The following KIAA2012 variants were observed in gnomAD, a reference collection of about 807,000 sequenced individuals.
KIAA2012 encodes the protein uncharacterized protein KIAA2012.
A neutral mutation model predicts 150.6 loss-of-function variants in KIAA2012; 125 were observed. The observed-to-expected ratio is 0.83, with a 90% CI of 0.72 to 0.96. The LOEUF is 0.96. Ranked by LOEUF, KIAA2012 falls within the 40% of genes least tolerant of loss-of-function variation. KIAA2012 has a pLI of 0.00. For synonymous variants in KIAA2012, 462 were observed against 504.7 expected (o/e 0.92, Z 1.13); for missense variants, 1,219 against 1,354.9 (o/e 0.90, Z 1.57).
intron 1 of KIAA2012, 110 bp from the exon 2 acceptor site, chr2:202,074,781 T>C: frequency 8.9e-7 from 1 of 1,126,958 alleles, no homozygotes. Flanking sequence ...ATGTGAACAG[T>C]TCAGAGAAAA....
At chr2:202,077,275 G>C (rs145940380) in intron 2 of KIAA2012, among the ~76,000 whole-genome samples, 24 of 152,240 alleles carry the variant, frequency 1.6e-4, no homozygotes, top group African/African-American at 5.5e-4. Flanking sequence ...CTATTTTCCT[G>C]GTTGGACACT....
At chr2:202,184,609 T>A (rs1224756862) in intron 15 of KIAA2012, 144 bp from the exon 16 acceptor site, 3 of 478,472 alleles carry the variant, frequency 6.3e-6, no homozygotes, top group Non-Finnish European at 7.4e-6. Flanking sequence ...TCTGAAGTAT[T>A]TGCTAATTTT....
chr2:202,144,524 A>G (rs941701214), intron 13 of KIAA2012, among the ~76,000 whole-genome samples: 1 of 152,232 alleles, frequency 6.6e-6, no homozygotes, highest in East Asian at 1.9e-4. Context: ...ACACGAAAAA[A>G]AAACAAAAGA....
At chr2:202,154,566 A>G in intron 13 of KIAA2012, 107 bp from the exon 14 acceptor site, 1 of 1,022,260 alleles carries the variant, frequency 9.8e-7, no homozygotes, top group Non-Finnish European at 1.4e-6. Context: ...TTATTGTTTC[A>G]ATGATTTTTA....
chr2:202,194,484 AT>A (rs1692377643), intron 21 of KIAA2012, 122 bp downstream of exon 21: 2 of 1,040,534 alleles, frequency 1.9e-6, no homozygotes, highest in Non-Finnish European at 2.7e-6. Flanking sequence ...TCTAAATAAT[AT>A]AAACTATTTT....
intron 15 of KIAA2012, among the ~76,000 whole-genome samples, chr2:202,171,888 T>G (rs1217243645): frequency 6.7e-6 from 1 of 149,448 alleles, no homozygotes; most frequent in African/African-American, 2.5e-5. Flanking sequence ...CTTACTCTGT[T>G]GCCCAGGCTT....
At chr2:202,089,990 T>C (rs1689677378) in intron 2 of KIAA2012, among the ~76,000 whole-genome samples, 11 of 152,170 alleles carry the variant, frequency 7.2e-5, no homozygotes, top group Admixed American at 6.5e-4. Flanking sequence ...CAGTCAAGAA[T>C]CCTGTGATTG....
intron 11 of KIAA2012, among the ~76,000 whole-genome samples, chr2:202,119,529 G>T (rs1690609427): frequency 6.6e-6 from 1 of 152,180 alleles, no homozygotes; most frequent in African/African-American, 2.4e-5. Context: ...CATTTAATCA[G>T]ACTTTCTGAG....
At chr2:202,120,713 C>T (rs1194323067) in intron 11 of KIAA2012, among the ~76,000 whole-genome samples, 1 of 152,168 alleles carries the variant, frequency 6.6e-6, no homozygotes, top group African/African-American at 2.4e-5. Flanking sequence ...ATCCTTTGTA[C>T]TATTTTTCTT....
At chr2:202,179,115 T>C (rs1006600667) in intron 15 of KIAA2012, among the ~76,000 whole-genome samples, 11 of 152,152 alleles carry the variant, frequency 7.2e-5, no homozygotes, top group African/African-American at 2.4e-4. Flanking sequence ...AAAAACAGTT[T>C]TGTGTTTTGA....
rs1412221751 is a variant in KIAA2012 at position 202,196,892 on chromosome 2, T to C, written c.3280T>C (p.Tyr1094His). The C allele has an allele frequency of 6.5e-7, 1 of 1,549,868 alleles. No homozygotes were observed. The highest frequency in any genetic ancestry group is 1.4e-5 in the African/African-American group (1 of 72,754). Residue 1094 changes from tyrosine (Y) to histidine (H), a missense_variant, in exon 22 of 24, where the codon TAC becomes CAC. Physicochemically the swap from Tyr to His is moderately conservative, Grantham distance 83 (BLOSUM62 2). Transcript: ENST00000498697. ...AATGGCTGAAGAGGAACGACTGGAGTACCAGCGGCGGAAACAGGAAGCAGA... is the reference window on the plus strand; with the variant it reads ...AATGGCTGAAGAGGAACGACTGGAGCACCAGCGGCGGAAACAGGAAGCAGA... ...MEMAEEERLEYQRRKQEAEEK... is the reference protein window; with the variant it reads ...MEMAEEERLEHQRRKQEAEEK...
intron 11 of KIAA2012, 21 bp downstream of exon 11, chr2:202,113,467 G>C: frequency 2.7e-6 from 4 of 1,493,502 alleles, no homozygotes; most frequent in Non-Finnish European, 3.6e-6. Context: ...ACATTCCAGG[G>C]CAGCCTTGTT....
chr2:202,181,095 G>A (rs1692109114), intron 15 of KIAA2012, among the ~76,000 whole-genome samples: 2 of 152,066 alleles, frequency 1.3e-5, no homozygotes, highest in African/African-American at 4.8e-5. Context: ...TCAGCCCCCT[G>A]AGTAGCTGGG....
chr2:202,088,032 C>G (rs1307094876), intron 2 of KIAA2012, among the ~76,000 whole-genome samples: 1 of 151,590 alleles, frequency 6.6e-6, no homozygotes, highest in African/African-American at 2.4e-5. Flanking sequence ...CTATTTATAC[C>G]GCATTTACAT....
chr2:202,084,697 G>T (rs1261137543), intron 2 of KIAA2012, among the ~76,000 whole-genome samples: 1 of 152,162 alleles, frequency 6.6e-6, no homozygotes, highest in Non-Finnish European at 1.5e-5. Flanking sequence ...TGAGTGGGTG[G>T]TTAGGTCTAG....
intron 2 of KIAA2012, among the ~76,000 whole-genome samples, chr2:202,088,671 A>G (rs1689640960): frequency 6.6e-6 from 1 of 152,178 alleles, no homozygotes; most frequent in Non-Finnish European, 1.5e-5. Context: ...TATTTCATTT[A>G]CACCAAAAAC....
chr2:202,170,371 T>C (rs1342085832), intron 15 of KIAA2012, among the ~76,000 whole-genome samples: 1 of 152,180 alleles, frequency 6.6e-6, no homozygotes, highest in Non-Finnish European at 1.5e-5. Flanking sequence ...ATTGGAACTG[T>C]TTCTGTTAAG....
chr2:202,195,529 A>G (rs1692397624), intron 21 of KIAA2012, among the ~76,000 whole-genome samples: 1 of 152,092 alleles, frequency 6.6e-6, no homozygotes, highest in Admixed American at 6.5e-5. Context: ...CTAAAAAAAA[A>G]AAGAAAAAAG....
intron 21 of KIAA2012, among the ~76,000 whole-genome samples, chr2:202,196,394 G>A (rs13405336): frequency 7.3e-5 from 11 of 150,972 alleles, no homozygotes; most frequent in Admixed American, 2.6e-4. Flanking sequence ...ACGGGGTTTC[G>A]CCGTGTTAGC....
Sources: gnomAD v4.1 joint callset for allele counts (sites outside exome capture counted in the v4.1 genomes callset) on GRCh38, gnomAD v4.1.1 for gene constraint, MANE v1.5 for transcripts, NCBI Gene and HGNC (gene_info 2026-07-23, HGNC 2026-07-21) for gene names.